MYO5B: variants seen among roughly 807,000 people sequenced by gnomAD.
MYO5B encodes the protein unconventional myosin-Vb.
A neutral mutation model predicts 229.3 loss-of-function variants in MYO5B; 143 were observed. That is an observed-to-expected ratio of 0.62 (90% confidence interval 0.54 to 0.72). MYO5B has a LOEUF of 0.72. Ranked by LOEUF, MYO5B falls within the 30% of genes least tolerant of loss-of-function variation. The probability of loss-of-function intolerance (pLI) is 0.00; values close to 1 mark genes in which losing one functional copy is unlikely to be tolerated. For missense variants in MYO5B, 2,321 were observed against 2,331.0 expected, an observed-to-expected ratio of 1.00 and a Z score of 0.09; for synonymous variants, 918 against 885.2, an observed-to-expected ratio of 1.04 and a Z score of -0.66.
rs2024227992 is a variant in MYO5B, at chr18:49,853,640, C to T, written c.4030G>A (p.Glu1344Lys). Residue 1344 changes from glutamate (E) to lysine (K), a missense_variant, in exon 31 of 40, where the codon GAG becomes AAG. By Grantham distance (56) the Glu-to-Lys change is moderately conservative. Around this residue, in one of 2 missense-constraint regions of MYO5B, gnomAD observed 2,113 missense variants for 2,044.7 expected, o/e 1.03. Coordinates refer to ENST00000285039, the MANE Select transcript of MYO5B (RefSeq NM_001080467.3). ...AGGCTCTGGGCCTGCAGCTGAGCCT[C>T]CAGCAGCCTGTGCCAGGGAGAGGAC... Reference protein sequence around the residue: ...QGLKQVARLLEAQLQAQSLEH... With the variant: ...QGLKQVARLLKAQLQAQSLEH... 1.9e-6 allele frequency: 3 copies of T among 1,612,680 alleles called. No homozygotes were observed. Among genetic ancestry groups the T allele is most frequent in the Admixed American group, 1.7e-5 (1 of 60,024 alleles).
At chr18:50,089,693 G>C (rs2031405509) in intron 1 of MYO5B, among the ~76,000 whole-genome samples, 1 of 152,140 alleles carries the variant, frequency 6.6e-6, no homozygotes, top group Admixed American at 6.5e-5. Flanking sequence ...GAGGTCCTTG[G>C]GAAGTTTCTG....
At chr18:50,194,347 G>A (rs1459023559) in intron 1 of MYO5B, among the ~76,000 whole-genome samples, 2 of 152,294 alleles carry the variant, frequency 1.3e-5, no homozygotes, top group Middle Eastern at 3.4e-3. Context: ...CTGGGGTGGG[G>A]TCCACGGCGG....
At chr18:50,064,289 A>T (rs1326886801) in intron 1 of MYO5B, 3 of 152,546 alleles carry the variant, frequency 2.0e-5, no homozygotes, top group African/African-American at 7.2e-5. Context: ...GGATGTGTCC[A>T]CAGTAAGTCA....
chr18:49,930,335 C>T (rs2025175768), intron 16 of MYO5B, among the ~76,000 whole-genome samples: 1 of 152,194 alleles, frequency 6.6e-6, no homozygotes, highest in Admixed American at 6.5e-5. Context: ...TTACAGATTA[C>T]TTTCCAGTCT....
intron 4 of MYO5B, among the ~76,000 whole-genome samples, chr18:50,035,911 C>A (rs2026442941): frequency 6.6e-6 from 1 of 152,184 alleles, no homozygotes; most frequent in Non-Finnish European, 1.5e-5. Flanking sequence ...CACTATAAAT[C>A]TGCAAGGATG....
rs769423121 is a variant in MYO5B, at chr18:49,902,722, G to T, written c.2683C>A (p.Arg895=). Residue 895 remains arginine, a synonymous_variant, in exon 21 of 40, where the codon CGG becomes AGG. Coordinates refer to ENST00000285039, the MANE Select transcript of MYO5B (RefSeq NM_001080467.3). ...AGCTCCCGCCTGGCCTTGAGCATCC[G>T]GAAGGCACACTGGATGACAATGGCT... ...DAAIVIQCAF[R]MLKARRELKA... The T allele has an allele frequency of 1.9e-6, 3 of 1,610,868 alleles. No individual in the cohort carries two copies. The highest frequency in any genetic ancestry group is 1.7e-6 in the Non-Finnish European group (2 of 1,180,026).
chr18:49,928,970 A>AG (rs1797207918), intron 17 of MYO5B, among the ~76,000 whole-genome samples: 1 of 152,150 alleles, frequency 6.6e-6, no homozygotes, highest in Non-Finnish European at 1.5e-5. Context: ...CTTGGGGGAA[A>AG]GGGGGGTGAT....
Position 50,009,609 on chromosome 18 carries a change from G to A in MYO5B, c.456-8198C>T, listed in dbSNP as rs7241763. On this transcript the variant is annotated intron_variant, in intron 4 of 39. Transcript: ENST00000285039. Reference sequence around the variant, plus strand: ...AAAGTAAGGTTGGGGAGCAGAGGTAGGTTAAGATAGCAGTCAAGTCAGGTG... The same window carrying A: ...AAAGTAAGGTTGGGGAGCAGAGGTAAGTTAAGATAGCAGTCAAGTCAGGTG... Among the ~76,000 whole-genome samples, 1,474 of 152,252 alleles carry A rather than the reference G, an allele frequency of 9.7e-3. 27 individuals are homozygous for A. Among genetic ancestry groups the A allele is most frequent in the African/African-American group, 0.034 (1,413 of 41,532 alleles).
chr18:49,875,806 C>T lies in MYO5B; in HGVS notation c.3418G>A (p.Ala1140Thr), dbSNP rs1364064267. The part of the protein sequence containing the change: ...QVEEIGLEKA[A>T]MDMTVFLKLQ... ...TTCAGGAAGACCGTCATGTCCATGG[C>T]TGCCTTCTCCAGGCCAATTTCCTTC... Residue 1140 changes from alanine (A) to threonine (T), a missense_variant, in exon 26 of 40, where the codon GCC becomes ACC. By Grantham distance (58) the Ala-to-Thr change is moderately conservative. Around this residue, in one of 2 missense-constraint regions of MYO5B, gnomAD observed 2,113 missense variants for 2,044.7 expected, o/e 1.03. Transcript: ENST00000285039. 1 of 1,614,062 alleles carries T rather than the reference C, an allele frequency of 6.2e-7. No individual in the cohort carries two copies. Among genetic ancestry groups the T allele is most frequent in the Non-Finnish European group, 8.5e-7 (1 of 1,180,026 alleles).
chr18:50,193,314 C>T (rs1378505896), intron 1 of MYO5B, among the ~76,000 whole-genome samples: 1 of 152,224 alleles, frequency 6.6e-6, no homozygotes, highest in Admixed American at 6.5e-5. Flanking sequence ...CATCCCTGAT[C>T]GCTGCACAGG....
At chr18:49,975,436 C>T (rs965303015) in intron 9 of MYO5B, among the ~76,000 whole-genome samples, 1 of 152,170 alleles carries the variant, frequency 6.6e-6, no homozygotes, top group Non-Finnish European at 1.5e-5. Context: ...ACGCAATAGA[C>T]GATGTCACTC....
chr18:50,036,983 C>T lies in MYO5B; in HGVS notation c.322G>A (p.Val108Ile). The T allele has an allele frequency of 1.2e-6, 2 of 1,614,108 alleles. No individual in the cohort carries two copies. The highest frequency in any genetic ancestry group is 1.7e-6 in the Non-Finnish European group (2 of 1,180,022). ...HIYTYCGIVLVAINPYEQLPI... is the reference protein window; with the variant it reads ...HIYTYCGIVLIAINPYEQLPI... Reference sequence around the variant, plus strand: ...AACTGTTCATAAGGATTAATGGCAACAAGTACGATACCTGCAAACAGACAA... The same window carrying T: ...AACTGTTCATAAGGATTAATGGCAATAAGTACGATACCTGCAAACAGACAA... The change falls in exon 4 of 40, where the codon GTT (valine) becomes ATT (isoleucine). Residue 108 changes from valine to isoleucine, a missense_variant. This residue lies in a region of MYO5B where 2,113 missense variants were observed against 2,044.7 expected (regional missense o/e 1.03). Transcript: ENST00000285039.
At chr18:50,054,577 T>C (rs1236894468) in intron 2 of MYO5B, among the ~76,000 whole-genome samples, 1 of 152,174 alleles carries the variant, frequency 6.6e-6, no homozygotes, top group Non-Finnish European at 1.5e-5. Context: ...GCAGAGGCAG[T>C]GGTCACAAAA....
At chr18:50,140,639 C>T (rs1250871656) in intron 1 of MYO5B, among the ~76,000 whole-genome samples, 1 of 152,180 alleles carries the variant, frequency 6.6e-6, no homozygotes, top group African/African-American at 2.4e-5. Flanking sequence ...CCAATTCTTT[C>T]CATTCAGCAG....
At chr18:49,894,617 C>T (rs562355723) in intron 22 of MYO5B, among the ~76,000 whole-genome samples, 59 of 152,306 alleles carry the variant, frequency 3.9e-4, no homozygotes, top group African/African-American at 1.3e-3. Context: ...TCTGTCACGG[C>T]TTTCTTGCCA....
chr18:49,930,802 G>GA (rs1301734781), intron 16 of MYO5B, among the ~76,000 whole-genome samples: 1 of 151,834 alleles, frequency 6.6e-6, no homozygotes, highest in Non-Finnish European at 1.5e-5. Context: ...TGAGGCAGAA[G>GA]AATGGCATGA....
chr18:50,073,538 CT>C (rs1014541683), intron 1 of MYO5B, among the ~76,000 whole-genome samples: 8 of 152,168 alleles, frequency 5.3e-5, no homozygotes, highest in African/African-American at 1.2e-4. Context: ...TTACTTACCC[CT>C]GTCCCTTCTT....
chr18:50,050,912 C>T (rs1400413133), intron 2 of MYO5B, among the ~76,000 whole-genome samples: 1 of 152,214 alleles, frequency 6.6e-6, no homozygotes, highest in Non-Finnish European at 1.5e-5. Context: ...GGCCAAGCAT[C>T]CAAGTCCTTG....
At position 49,826,299 on chromosome 18, in the gene MYO5B, AAAT is replaced by A. The variant is rs1336982299; in HGVS notation, c.*169_*171del. 1 of 797,162 alleles carries A rather than the reference AAAT, an allele frequency of 1.3e-6. No individual in the cohort carries two copies. Among genetic ancestry groups the A allele is most frequent in the East Asian group, 2.7e-5 (1 of 36,564 alleles). 49.4% of individuals were successfully genotyped at this position (797,162 alleles called of 1,614,324 possible). The stretch of plus-strand genomic sequence containing the variant: ...TTTTATTCTGAGCAGTAGGTACAAA[AAAT>A]AATGACATAGTTGTGTCTAATTCTG... On this transcript the variant is annotated 3_prime_UTR_variant, in exon 40 of 40. Transcript: ENST00000285039.
Sources: gnomAD v4.1 joint callset for allele counts (sites outside exome capture counted in the v4.1 genomes callset) on GRCh38, gnomAD v4.1.1 for gene constraint, gnomAD v4.1.1 regional missense constraint, MANE v1.5 for transcripts, NCBI Gene and HGNC (gene_info 2026-07-23, HGNC 2026-07-21) for gene names.